The following SEMA5A variants were observed in gnomAD, a reference collection of about 807,000 sequenced individuals.
SEMA5A encodes semaphorin 5A.
Under a neutral mutation model 135.5 loss-of-function variants are expected in SEMA5A, and 55 were observed. That is an observed-to-expected ratio of 0.41 (90% CI 0.33 to 0.51). The LOEUF (loss-of-function observed/expected upper bound fraction) is 0.51, where lower values mean the gene tolerates loss of function less well. SEMA5A is among the 20% of genes least tolerant of loss of function. SEMA5A has a pLI of 0.37. For synonymous variants in SEMA5A, 580 were observed against 546.5 expected, an observed-to-expected ratio of 1.06 and a Z score of -0.85; for missense variants, 1,290 against 1,419.9, an observed-to-expected ratio of 0.91 and a Z score of 1.47.
chr5:9,227,841 C>G (rs374326235), intron 6 of SEMA5A, among the ~76,000 whole-genome samples: 3 of 152,188 alleles, frequency 2.0e-5, no homozygotes, highest in African/African-American at 4.8e-5. Flanking sequence ...TGAGCCGCCA[C>G]GCCCGGCCTG....
intron 1 of SEMA5A, among the ~76,000 whole-genome samples, chr5:9,444,284 C>A (rs1758347844): frequency 6.6e-6 from 1 of 151,496 alleles, no homozygotes; most frequent in African/African-American, 2.4e-5. Flanking sequence ...CTTGGTGCAC[C>A]CATTACCTGA....
At chr5:9,043,043 G>T (rs1428094469) in intron 22 of SEMA5A, 27 bp from the exon 23 acceptor site, 2 of 1,559,722 alleles carry the variant, frequency 1.3e-6, no homozygotes, top group Admixed American at 1.8e-5. Context: ...AAAAAAACAG[G>T]TTTAAGAATG....
At chr5:9,441,711 G>T (rs1447113802) in intron 1 of SEMA5A, among the ~76,000 whole-genome samples, 3 of 152,164 alleles carry the variant, frequency 2.0e-5, no homozygotes, top group Non-Finnish European at 4.4e-5. Flanking sequence ...GAGCAGGGAG[G>T]GTGGCATCAG....
chr5:9,142,576 A>T (rs899366087), intron 12 of SEMA5A, among the ~76,000 whole-genome samples: 4 of 152,250 alleles, frequency 2.6e-5, no homozygotes, highest in African/African-American at 9.6e-5. Flanking sequence ...CCTATGAATT[A>T]TCCCTTCCCT....
intron 3 of SEMA5A, among the ~76,000 whole-genome samples, chr5:9,348,536 GT>G (rs1753976982): frequency 6.6e-6 from 1 of 152,168 alleles, no homozygotes; most frequent in Admixed American, 6.5e-5. Flanking sequence ...ACTTTGCCCA[GT>G]GCAGAAGGGT....
intron 3 of SEMA5A, among the ~76,000 whole-genome samples, chr5:9,341,639 A>G (rs1753657600): frequency 6.9e-6 from 1 of 145,708 alleles, no homozygotes; most frequent in South Asian, 2.1e-4. Context: ...ATGGCAGCCA[A>G]TATGACTATA....
At chr5:9,270,974 T>C (rs1158473998) in intron 5 of SEMA5A, among the ~76,000 whole-genome samples, 2 of 152,078 alleles carry the variant, frequency 1.3e-5, no homozygotes, top group Non-Finnish European at 2.9e-5. Context: ...ATGTTTGCTT[T>C]CTCCTTTTTA....
chr5:9,168,424 C>T (rs1268742720), intron 11 of SEMA5A, among the ~76,000 whole-genome samples: 1 of 152,176 alleles, frequency 6.6e-6, no homozygotes, highest in Non-Finnish European at 1.5e-5. Context: ...AGCTTTGAGT[C>T]TTGACTATTC....
At chr5:9,307,716 C>A (rs1751937068) in intron 5 of SEMA5A, among the ~76,000 whole-genome samples, 1 of 152,086 alleles carries the variant, frequency 6.6e-6, no homozygotes, top group Non-Finnish European at 1.5e-5. Flanking sequence ...TCTGAGCATG[C>A]CCATCACTCA....
intron 16 of SEMA5A, among the ~76,000 whole-genome samples, chr5:9,080,542 A>AAG (rs1738321668): frequency 6.6e-6 from 1 of 151,520 alleles, no homozygotes; most frequent in South Asian, 2.1e-4. Flanking sequence ...CTTAAATTAA[A>AAG]AAAAAAAAAA....
intron 12 of SEMA5A, among the ~76,000 whole-genome samples, chr5:9,140,690 CAT>C (rs1385608068): frequency 6.6e-6 from 1 of 152,178 alleles, no homozygotes; most frequent in Non-Finnish European, 1.5e-5. Context: ...GACAAAATAA[CAT>C]AGTGTATATC....
intron 1 of SEMA5A, among the ~76,000 whole-genome samples, chr5:9,486,404 C>A (rs1734727855): frequency 6.6e-6 from 1 of 152,166 alleles, no homozygotes; most frequent in Admixed American, 6.6e-5. Context: ...AACGAACCTG[C>A]ACGTTCTGCA....
At chr5:9,235,624 C>G (rs1453320008) in intron 6 of SEMA5A, among the ~76,000 whole-genome samples, 1 of 150,484 alleles carries the variant, frequency 6.6e-6, no homozygotes, top group Non-Finnish European at 1.5e-5. Flanking sequence ...TGGGGCCCCT[C>G]AGGTCTGGGC....
chr5:9,483,571 C>CA (rs1441527439), intron 1 of SEMA5A, among the ~76,000 whole-genome samples: 1 of 152,090 alleles, frequency 6.6e-6, no homozygotes, highest in Non-Finnish European at 1.5e-5. Context: ...TACAACATGA[C>CA]AAAAAAGAAC....
At chr5:9,484,205 G>A (rs1308886695) in intron 1 of SEMA5A, among the ~76,000 whole-genome samples, 1 of 152,196 alleles carries the variant, frequency 6.6e-6, no homozygotes, top group Non-Finnish European at 1.5e-5. Flanking sequence ...AAGGATTAGG[G>A]CAAAGTACGT....
At chr5:9,337,876 G>GAGGAAA in intron 3 of SEMA5A, 64 bp from the exon 4 acceptor site, 1 of 1,114,952 alleles carries the variant, frequency 9.0e-7, no homozygotes, top group Non-Finnish European at 1.3e-6. Context: ...GGGGACCACA[G>GAGGAAA]ATAGTGCACA....
chr5:9,381,743 T>C (rs1448575212), intron 2 of SEMA5A, among the ~76,000 whole-genome samples: 3 of 152,188 alleles, frequency 2.0e-5, no homozygotes, highest in African/African-American at 7.2e-5. Context: ...AGTTGAACCC[T>C]GCCCAGATTC....
intron 8 of SEMA5A, among the ~76,000 whole-genome samples, chr5:9,223,912 T>C (rs1174358672): frequency 2.0e-5 from 3 of 152,144 alleles, no homozygotes; most frequent in African/African-American, 7.2e-5. Context: ...AGTGACCAAG[T>C]TCTGGCCCAG....
intron 1 of SEMA5A, among the ~76,000 whole-genome samples, chr5:9,472,591 T>G (rs114651963): frequency 0.016 from 2,483 of 152,194 alleles, 27 homozygotes; most frequent in Non-Finnish European, 0.024. Flanking sequence ...GCTTGGGGGT[T>G]GGGAGGTGAT....
Sources: allele counts gnomAD v4.1 joint callset (sites outside exome capture counted in the v4.1 genomes callset), GRCh38; gene constraint gnomAD v4.1.1; transcripts MANE v1.5; gene names NCBI Gene and HGNC (gene_info 2026-07-23, HGNC 2026-07-21).